TASP1: variants seen among roughly 807,000 people sequenced by gnomAD.
TASP1 encodes threonine aspartase 1.
A neutral mutation model predicts 56.6 loss-of-function variants in TASP1; 16 were observed. That is an observed-to-expected ratio of 0.28 (90% CI 0.19 to 0.43). TASP1 has a LOEUF of 0.43. TASP1 is among the 20% of genes least tolerant of loss of function. TASP1 has a pLI of 1.00. For synonymous variants in TASP1, 179 were observed against 184.2 expected, an observed-to-expected ratio of 0.97 and a Z score of 0.23; for missense variants, 393 against 511.6, an observed-to-expected ratio of 0.77 and a Z score of 2.24.
At chr20:13,618,862 C>T (rs1428729410) in intron 4 of TASP1, among the ~76,000 whole-genome samples, 1 of 151,058 alleles carries the variant, frequency 6.6e-6, no homozygotes, top group Non-Finnish European at 1.5e-5. Context: ...AAAGCTATTC[C>T]TATCACTATT....
At chr20:13,281,262 A>G in the TASP1 span, among the ~76,000 whole-genome samples, 34,825 of 152,062 alleles carry the variant, frequency 0.23, 4,050 homozygotes, top group African/African-American at 0.27. Context: ...AACAGAGCAA[A>G]ATAGTGCCAT....
chr20:13,342,928 T>A, the TASP1 span, among the ~76,000 whole-genome samples: 4 of 152,042 alleles, frequency 2.6e-5, no homozygotes, highest in East Asian at 7.8e-4. Flanking sequence ...AAACAAGAGA[T>A]CGTGACTGGC....
intron 12 of TASP1, among the ~76,000 whole-genome samples, chr20:13,432,605 T>A (rs1444083399): frequency 3.9e-5 from 6 of 152,210 alleles, no homozygotes; most frequent in African/African-American, 1.4e-4. Context: ...ATAAGCTTCA[T>A]AAGCATCAAC....
chr20:13,303,471 C>T, the TASP1 span, among the ~76,000 whole-genome samples: 1 of 152,226 alleles, frequency 6.6e-6, no homozygotes, highest in African/African-American at 2.4e-5. Flanking sequence ...CTGCTTTTCC[C>T]ACCACACATA....
At chr20:13,436,170 T>C (rs748980294) in intron 11 of TASP1, among the ~76,000 whole-genome samples, 54 of 152,126 alleles carry the variant, frequency 3.5e-4, no homozygotes, top group Non-Finnish European at 7.2e-4. Flanking sequence ...CCAGTTTTGC[T>C]GTAAAATGCA....
At chr20:13,344,910 A>T in the TASP1 span, among the ~76,000 whole-genome samples, 1 of 152,138 alleles carries the variant, frequency 6.6e-6, no homozygotes, top group Middle Eastern at 3.2e-3. Context: ...GGCTTGAAGC[A>T]CATCGAAGGC....
chr20:13,434,929 T>C, intron 12 of TASP1, 115 bp downstream of exon 12: 1 of 637,466 alleles, frequency 1.6e-6, no homozygotes, highest in African/African-American at 1.9e-5. Context: ...CAGATATCAA[T>C]AAAGCATGCT....
chr20:13,573,473 T>A (rs1411907787), intron 6 of TASP1, among the ~76,000 whole-genome samples: 1 of 152,204 alleles, frequency 6.6e-6, no homozygotes. Context: ...GATATTAAGG[T>A]GTTTTGTTAT....
chr20:13,552,642 G>A (rs973619303), intron 8 of TASP1, among the ~76,000 whole-genome samples: 3 of 152,148 alleles, frequency 2.0e-5, no homozygotes, highest in Admixed American at 6.6e-5. Context: ...GCTATGTGGT[G>A]ACACTGAAAG....
chr20:13,472,622 T>G (rs940246400), intron 11 of TASP1, among the ~76,000 whole-genome samples: 5 of 150,670 alleles, frequency 3.3e-5, no homozygotes, highest in Non-Finnish European at 5.9e-5. Flanking sequence ...TACAAAGAAC[T>G]TAAACAAATT....
At chr20:13,626,971 G>T (rs2147560204) in intron 2 of TASP1, among the ~76,000 whole-genome samples, 1 of 139,388 alleles carries the variant, frequency 7.2e-6, no homozygotes, top group South Asian at 2.2e-4. Context: ...ACAATGGAAA[G>T]GCAGGCTCAG....
At chr20:13,115,894 C>T in the TASP1 span, among the ~76,000 whole-genome samples, 2 of 152,192 alleles carry the variant, frequency 1.3e-5, no homozygotes, top group Admixed American at 6.5e-5. Context: ...GAGAACATCA[C>T]GCAAATTGCC....
At chr20:13,417,025 A>C (rs563335225) in intron 13 of TASP1, among the ~76,000 whole-genome samples, 57 of 152,358 alleles carry the variant, frequency 3.7e-4, no homozygotes, top group African/African-American at 1.3e-3. Context: ...TGTGCCATCA[A>C]ACATGCAGGA....
At chr20:13,444,050 G>A (rs186432647) in intron 11 of TASP1, among the ~76,000 whole-genome samples, 41 of 152,296 alleles carry the variant, frequency 2.7e-4, no homozygotes, top group African/African-American at 8.4e-4. Context: ...TCTCTGAACC[G>A]TGCTTTTTTT....
intron 4 of TASP1, among the ~76,000 whole-genome samples, chr20:13,609,120 C>CA (rs1197507167): frequency 2.0e-5 from 3 of 151,904 alleles, no homozygotes; most frequent in Non-Finnish European, 4.4e-5. Context: ...TGAAAATGGG[C>CA]AAAAAACTTG....
At chr20:13,160,094 T>C in the TASP1 span, 2 of 1,614,006 alleles carry the variant, frequency 1.2e-6, no homozygotes, top group Non-Finnish European at 8.5e-7. Flanking sequence ...GGCTCGGTTT[T>C]GTGTTTCAGC....
At chr20:13,556,044 G>C (rs984326705) in intron 8 of TASP1, among the ~76,000 whole-genome samples, 1 of 152,096 alleles carries the variant, frequency 6.6e-6, no homozygotes, top group Non-Finnish European at 1.5e-5. Flanking sequence ...GTCAATCTGA[G>C]CCCATTAAGT....
At chr20:13,140,620 T>C in the TASP1 span, among the ~76,000 whole-genome samples, 2 of 152,040 alleles carry the variant, frequency 1.3e-5, no homozygotes, top group African/African-American at 4.8e-5. Flanking sequence ...ACCAGATAAT[T>C]CATTCTACAG....
chr20:13,152,027 A>G, the TASP1 span, among the ~76,000 whole-genome samples: 1 of 152,180 alleles, frequency 6.6e-6, no homozygotes, highest in Non-Finnish European at 1.5e-5. Flanking sequence ...GCTGGCAGAA[A>G]TGAGAGTTTT....
Sources: gnomAD v4.1 joint callset for allele counts (sites outside exome capture counted in the v4.1 genomes callset) on GRCh38, gnomAD v4.1.1 for gene constraint, MANE v1.5 for transcripts, NCBI Gene and HGNC (gene_info 2026-07-23, HGNC 2026-07-21) for gene names.